UFSP2: variants seen among roughly 807,000 people sequenced by gnomAD.
The protein encoded by UFSP2 is UFM1 specific peptidase 2, also known as ufm1-specific protease 2.
A neutral mutation model predicts 60.2 loss-of-function variants in UFSP2; 43 were observed. The observed-to-expected ratio is 0.71, with a 90% CI of 0.56 to 0.92. The LOEUF (loss-of-function observed/expected upper bound fraction) is 0.92. Among genes scored for constraint, UFSP2 ranks in the 40% least tolerant of loss-of-function variants. The probability of loss-of-function intolerance (pLI) is 0.00; values close to 1 mark genes in which losing one functional copy is unlikely to be tolerated. For missense variants in UFSP2, 520 were observed against 575.0 expected (o/e 0.90, Z 0.98); for synonymous variants, 183 against 195.1 (o/e 0.94, Z 0.52).
At chr4:185,407,728 CAA>C (rs998315747) in intron 9 of UFSP2, among the ~76,000 whole-genome samples, 13 of 148,998 alleles carry the variant, frequency 8.7e-5, no homozygotes, top group African/African-American at 3.2e-4. Flanking sequence ...CATTACATCA[CAA>C]AGTTTATTCA....
chr4:185,399,557 A>G lies in UFSP2; in HGVS notation c.*835T>C, dbSNP rs1457195132. The G allele has an allele frequency of 5.6e-6, 9 of 1,613,616 alleles. No homozygotes were observed. Among genetic ancestry groups the G allele is most frequent in the Non-Finnish European group, 7.6e-6 (9 of 1,179,738 alleles). On this transcript the variant is annotated 3_prime_UTR_variant, in exon 12 of 12. Transcript: ENST00000264689. ...CAATGTTTCATTTCACTCCGTTTTT[A>G]TCCTGTTTTCAGTTTATGTAATAAG... is the stretch of plus-strand genomic sequence containing the variant.
intron 10 of UFSP2, among the ~76,000 whole-genome samples, chr4:185,403,966 C>CAAAAAAAAAAAAAAA: frequency 2.3e-5 from 2 of 85,110 alleles, no homozygotes; most frequent in Non-Finnish European, 4.4e-5. Context: ...GCAAGACTCT[C>CAAAAAAAAAAAAAAA]AAAAAAAAAA....
intron 2 of UFSP2, among the ~76,000 whole-genome samples, chr4:185,421,929 C>G (rs1167803485): frequency 6.6e-6 from 1 of 152,188 alleles, no homozygotes; most frequent in Non-Finnish European, 1.5e-5. Context: ...TTGTACTTGA[C>G]CTTCCACTGG....
chr4:185,405,919 A>G (rs745407042), intron 9 of UFSP2, 63 bp from the exon 10 acceptor site: 4 of 1,612,410 alleles, frequency 2.5e-6, no homozygotes, highest in Non-Finnish European at 3.4e-6. Flanking sequence ...ATAATGAGCT[A>G]GGAGACAATG....
intron 4 of UFSP2, among the ~76,000 whole-genome samples, chr4:185,417,541 C>T (rs1006806299): frequency 1.3e-5 from 2 of 152,066 alleles, no homozygotes; most frequent in African/African-American, 4.8e-5. Context: ...ATTTCCATAG[C>T]TAGTGGTTTA....
intron 6 of UFSP2, 23 bp downstream of exon 6, chr4:185,415,132 A>G: frequency 6.5e-7 from 1 of 1,532,812 alleles, no homozygotes; most frequent in Middle Eastern, 1.7e-4. Context: ...TGTTTTTTCT[A>G]AGAATAGATG....
intron 9 of UFSP2, chr4:185,406,125 C>T: frequency 8.5e-6 from 4 of 471,904 alleles, no homozygotes; most frequent in South Asian, 4.8e-5. Context: ...ATAAAGGAGG[C>T]CTGGGTTTTT....
At chr4:185,407,474 A>T (rs140975639) in intron 9 of UFSP2, among the ~76,000 whole-genome samples, 32 of 152,318 alleles carry the variant, frequency 2.1e-4, no homozygotes, top group African/African-American at 7.0e-4. Context: ...ATCATTGGAA[A>T]AGACAAAATG....
At chr4:185,405,402 T>A (rs1339592690) in intron 10 of UFSP2, among the ~76,000 whole-genome samples, 1 of 152,206 alleles carries the variant, frequency 6.6e-6, no homozygotes, top group African/African-American at 2.4e-5. Context: ...TAATCCAATC[T>A]TCTTATTTTA....
At position 185,418,741 on chromosome 4, in the gene UFSP2, C is replaced by G; in HGVS notation, c.112G>C (p.Val38Leu). 1 of 1,602,518 alleles carries G rather than the reference C, an allele frequency of 6.2e-7. No homozygotes were observed. Among genetic ancestry groups the G allele is most frequent in the Non-Finnish European group, 8.5e-7 (1 of 1,177,226 alleles). The change falls in exon 3 of 12, where the codon GTG becomes CTG. Residue 38 changes from valine (V) to leucine (L), a missense_variant. Transcript: ENST00000264689. The stretch of plus-strand genomic sequence containing the variant: ...AGCTTAGTTGACAGGTCACTCAACA[C>G]ATGTTTCAGTGCCTTCTTGAGAAAA... ...EIFLKKALKH[V>L]LSDLSTKLSS...
intron 9 of UFSP2, among the ~76,000 whole-genome samples, chr4:185,406,930 T>C (rs2095521288): frequency 1.3e-5 from 2 of 152,008 alleles, no homozygotes; most frequent in African/African-American, 4.8e-5. Flanking sequence ...AGGATAAAAT[T>C]ACATCTTTAA....
intron 1 of UFSP2, 77 bp from the exon 2 acceptor site, chr4:185,422,640 T>G (rs560288820): frequency 3.0e-5 from 29 of 982,440 alleles, no homozygotes; most frequent in East Asian, 1.0e-4. Context: ...AGAATCTAAG[T>G]TTAGTGTTAA....
chr4:185,419,663 G>A (rs929100076), intron 2 of UFSP2, among the ~76,000 whole-genome samples: 2 of 152,186 alleles, frequency 1.3e-5, no homozygotes, highest in African/African-American at 4.8e-5. Flanking sequence ...TTTCACATAA[G>A]TGGAATCACA....
intron 8 of UFSP2, 91 bp from the exon 9 acceptor site, chr4:185,408,151 A>G (rs2095523598): frequency 6.5e-7 from 1 of 1,527,726 alleles, no homozygotes. Context: ...CAGTACAAGA[A>G]TTTTTTTTTC....
At chr4:185,402,568 C>T (rs1458657096) in intron 11 of UFSP2, among the ~76,000 whole-genome samples, 24 of 152,284 alleles carry the variant, frequency 1.6e-4, no homozygotes, top group Admixed American at 1.0e-3. Flanking sequence ...CTCTGCCTCC[C>T]GGGTTCAAGT....
At position 185,415,364 on chromosome 4, in the gene UFSP2, A is replaced by G. The variant is rs144904934; in HGVS notation, c.492-17T>C. On this transcript the variant is annotated splice_polypyrimidine_tract_variant and intron_variant, in intron 5 of 11. Transcript: ENST00000264689. ...TTACGAACTCTGTGGGGGGAAATAT[A>G]TAAGTGTATTAACAAAAGTTATAGT... 33 of 1,546,676 alleles carry G rather than the reference A, an allele frequency of 2.1e-5. No individual in the cohort carries two copies. The highest frequency in any genetic ancestry group is 2.5e-5 in the Non-Finnish European group (29 of 1,154,730).
intron 7 of UFSP2, among the ~76,000 whole-genome samples, chr4:185,411,375 A>G (rs1159747569): frequency 6.6e-6 from 1 of 152,198 alleles, no homozygotes; most frequent in Admixed American, 6.5e-5. Context: ...TTCTCTAAAA[A>G]ACTAAAAAAG....
intron 2 of UFSP2, among the ~76,000 whole-genome samples, chr4:185,421,168 G>T (rs1245755644): frequency 3.3e-5 from 5 of 152,186 alleles, no homozygotes; most frequent in Non-Finnish European, 5.9e-5. Context: ...GTTTAATGTA[G>T]TCTGGTGGCA....
intron 4 of UFSP2, among the ~76,000 whole-genome samples, chr4:185,418,047 A>AACACACACACACACACAC (rs56260529): frequency 0.51 from 73,311 of 142,724 alleles, 19,654 homozygotes; most frequent in East Asian, 0.79. Context: ...TCCATCTCAA[A>AACACACACACACACACAC]ACACACACAC....
Sources: gnomAD v4.1 joint callset for allele counts (sites outside exome capture counted in the v4.1 genomes callset) on GRCh38, gnomAD v4.1.1 for gene constraint, MANE v1.5 for transcripts, NCBI Gene and HGNC (gene_info 2026-07-23, HGNC 2026-07-21) for gene names.